PHIP: variants seen among roughly 807,000 people sequenced by gnomAD.
PHIP encodes the protein PHIP subunit of CUL4-Ring ligase complex, also known as PH-interacting protein.
A neutral mutation model predicts 236.8 loss-of-function variants in PHIP; 54 were observed. The observed-to-expected ratio is 0.23, with a 90% confidence interval of 0.18 to 0.29. The LOEUF (loss-of-function observed/expected upper bound fraction) is 0.29. Ranked by LOEUF, PHIP falls within the 10% of genes least tolerant of loss-of-function variation. The pLI is 1.00. For synonymous variants in PHIP, 756 were observed against 718.9 expected (o/e 1.05, Z -0.83); for missense variants, 1,370 against 2,190.8 (o/e 0.63, Z 7.48).
intron 24 of PHIP, 121 bp downstream of exon 24, chr6:78,978,471 A>C (rs550342854): frequency 1.6e-6 from 1 of 626,798 alleles, no homozygotes; most frequent in African/African-American, 1.8e-5. Flanking sequence ...ATAGATACAA[A>C]TATCTAGAAT....
chr6:79,005,284 T>C (rs1770226492), intron 15 of PHIP, among the ~76,000 whole-genome samples: 1 of 151,988 alleles, frequency 6.6e-6, no homozygotes. Context: ...CCAAGTCTAC[T>C]TTAAAACAAT....
At chr6:78,983,761 G>A (rs1202579207) in intron 22 of PHIP, among the ~76,000 whole-genome samples, 1 of 152,098 alleles carries the variant, frequency 6.6e-6, no homozygotes, top group African/African-American at 2.4e-5. Flanking sequence ...TGTATCTTAT[G>A]CTTCAAAGCA....
At chr6:79,076,011 G>A (rs555038551) in intron 4 of PHIP, among the ~76,000 whole-genome samples, 42 of 152,278 alleles carry the variant, frequency 2.8e-4, no homozygotes, top group African/African-American at 1.0e-3. Flanking sequence ...CTTTGGCCAA[G>A]AATTGAATGA....
chr6:79,043,026 TA>T (rs1187902666), intron 6 of PHIP, 23 bp from the exon 7 acceptor site: 5 of 1,582,108 alleles, frequency 3.2e-6, no homozygotes, highest in Non-Finnish European at 4.3e-6. Context: ...AGAAGGAAAA[TA>T]AATGTAATCT....
chr6:78,995,730 T>C (rs911072000), intron 19 of PHIP, among the ~76,000 whole-genome samples: 12 of 152,206 alleles, frequency 7.9e-5, no homozygotes, highest in Admixed American at 4.6e-4. Context: ...TTGTTTACTA[T>C]TGAGTTATGA....
At chr6:78,977,458 T>C (rs1269631176) in intron 24 of PHIP, among the ~76,000 whole-genome samples, 1 of 152,120 alleles carries the variant, frequency 6.6e-6, no homozygotes, top group Non-Finnish European at 1.5e-5. Flanking sequence ...CACACCAGCA[T>C]GGCACATGTA....
At position 78,946,701 on chromosome 6, in the gene PHIP, A is replaced by G. The variant is rs377707990; in HGVS notation, c.4370+10T>C. The G allele has an allele frequency of 5.9e-6, 9 of 1,535,368 alleles. No individual in the cohort carries two copies. The highest frequency in any genetic ancestry group is 7.8e-6 in the Non-Finnish European group (9 of 1,150,162). On this transcript the variant is annotated intron_variant, in intron 37 of 39. Coordinates refer to ENST00000275034, the MANE Select transcript of PHIP (RefSeq NM_017934.7). ...AGATCAGCTAGTGGTATTTAAAAGAAATTAAATACCTTGATGCAGCACTAC... is the reference window on the plus strand; with the variant it reads ...AGATCAGCTAGTGGTATTTAAAAGAGATTAAATACCTTGATGCAGCACTAC...
Position 78,988,349 on chromosome 6 carries a change from T to C in PHIP, c.2320A>G (p.Asn774Asp). 6.4e-7 allele frequency: 1 copy of C among 1,570,756 alleles called. No homozygotes were observed. Among genetic ancestry groups the C allele is most frequent in the East Asian group, 2.3e-5 (1 of 44,120 alleles). ...KENKIPTVSK[N>D]HAHEHFLDLG... ...TCCAGGAAATGCTCATGAGCATGAT[T>C]CTAGAAAAAAATAAATTAAATTTAT... Residue 774 changes from asparagine (N) to aspartate (D), a missense_variant and splice_region_variant, in exon 21 of 40, where the codon AAT (asparagine) becomes GAT (aspartate). Physicochemically the swap from Asn to Asp is conservative, Grantham distance 23 (BLOSUM62 1). Transcript: ENST00000275034.
intron 23 of PHIP, among the ~76,000 whole-genome samples, chr6:78,979,533 T>C (rs146841023): frequency 6.6e-6 from 1 of 152,032 alleles, no homozygotes; most frequent in Admixed American, 6.6e-5. Context: ...AAGCTGGACA[T>C]TACACTTCTA....
chr6:79,051,107 C>T (rs58284219), intron 6 of PHIP, among the ~76,000 whole-genome samples: 3,206 of 152,214 alleles, frequency 0.021, 116 homozygotes, highest in African/African-American at 0.072. Context: ...CTGTTATTAA[C>T]ACGGGTATCA....
At chr6:79,075,170 T>C (rs970991817) in intron 4 of PHIP, among the ~76,000 whole-genome samples, 1 of 152,112 alleles carries the variant, frequency 6.6e-6, no homozygotes. Flanking sequence ...AGATCAACTA[T>C]TGAACAAAAA....
intron 35 of PHIP, among the ~76,000 whole-genome samples, chr6:78,953,298 T>C (rs1766178986): frequency 6.6e-6 from 1 of 152,212 alleles, no homozygotes. Context: ...TCCAAATTCC[T>C]TTTTCACCAC....
At chr6:79,052,830 T>C (rs1359558688) in intron 6 of PHIP, among the ~76,000 whole-genome samples, 2 of 152,126 alleles carry the variant, frequency 1.3e-5, no homozygotes, top group East Asian at 1.9e-4. Flanking sequence ...ACACCTGCTA[T>C]TACCAAATCA....
intron 7 of PHIP, among the ~76,000 whole-genome samples, chr6:79,026,720 G>A (rs527987620): frequency 1.3e-5 from 2 of 151,718 alleles, no homozygotes; most frequent in Non-Finnish European, 2.9e-5. Context: ...TGCCATAGTA[G>A]TGTAAGTCCA....
chr6:79,017,321 GAATTA>G lies in PHIP; in HGVS notation c.1136+20_1136+24del. 7.5e-7 allele frequency: 1 copy of G among 1,333,912 alleles called. No individual in the cohort carries two copies. The highest frequency in any genetic ancestry group is 1.0e-6 in the Non-Finnish European group (1 of 960,990). 82.6% of individuals were successfully genotyped at this position (1,333,912 alleles called of 1,614,324 possible). A position where few individuals can be genotyped will look rare whatever the true frequency, so the allele number is the denominator to read the frequency against. On this transcript the variant is annotated intron_variant, in intron 12 of 39. Transcript: ENST00000275034. ...TCTTTATTTCATAATTTTAAAATTA[GAATTA>G]AATTAGACAAATATTTTACCTGTTA...
intron 7 of PHIP, among the ~76,000 whole-genome samples, chr6:79,041,481 G>A (rs1772209725): frequency 6.6e-6 from 1 of 151,916 alleles, no homozygotes; most frequent in East Asian, 1.9e-4. Flanking sequence ...TCTTTACAAT[G>A]GCATAACTTT....
At chr6:79,008,325 T>C (rs1770403209) in intron 15 of PHIP, among the ~76,000 whole-genome samples, 1 of 152,034 alleles carries the variant, frequency 6.6e-6, no homozygotes, top group Non-Finnish European at 1.5e-5. Context: ...GGACCTGACT[T>C]GATAAAAATC....
intron 6 of PHIP, among the ~76,000 whole-genome samples, chr6:79,059,626 A>ATATATATATATAT (rs1562216785): frequency 6.6e-3 from 282 of 42,888 alleles, no homozygotes; most frequent in South Asian, 8.0e-3. Flanking sequence ...TATATATATA[A>ATATATATATATAT]AAATGCCAAA....
chr6:78,985,290 A>T, intron 22 of PHIP, 62 bp downstream of exon 22: 1 of 934,828 alleles, frequency 1.1e-6, no homozygotes, highest in Non-Finnish European at 1.7e-6. Flanking sequence ...GCTGGTTAAA[A>T]AAAAAAACAC....
Sources: allele counts gnomAD v4.1 joint callset (sites outside exome capture counted in the v4.1 genomes callset), GRCh38; gene constraint gnomAD v4.1.1; transcripts MANE v1.5; gene names NCBI Gene and HGNC (gene_info 2026-07-23, HGNC 2026-07-21).